SPSB4: variants seen among roughly 807,000 people sequenced by gnomAD.
The protein encoded by SPSB4 is splA/ryanodine receptor domain and SOCS box containing 4.
SPSB4 carries 21 observed loss-of-function variants against 20.9 expected under a neutral mutation model. The ratio of observed to expected loss-of-function variants is 1.01; its 90% confidence interval spans 0.71 to 1.45. The LOEUF (loss-of-function observed/expected upper bound fraction) is 1.45. Among genes scored for constraint, SPSB4 ranks in the 40% most tolerant of loss-of-function variants. The probability of loss-of-function intolerance (pLI) is 0.00; values close to 1 mark genes in which losing one functional copy is unlikely to be tolerated. For missense variants in SPSB4, 399 were observed against 399.2 expected (o/e 1.00, Z 0.00); for synonymous variants, 207 against 183.8 (o/e 1.13, Z -1.02).
At chr3:141,130,990 G>C (rs762212980) in intron 2 of SPSB4, among the ~76,000 whole-genome samples, 3 of 152,140 alleles carry the variant, frequency 2.0e-5, no homozygotes, top group Non-Finnish European at 4.4e-5. Context: ...TTGTCAATTA[G>C]GATGATGTAC....
intron 2 of SPSB4, among the ~76,000 whole-genome samples, chr3:141,072,389 G>A (rs1387903320): frequency 6.6e-6 from 1 of 152,202 alleles, no homozygotes; most frequent in Non-Finnish European, 1.5e-5. Context: ...CCAAGTTGGA[G>A]GTGGGGGTTG....
intron 2 of SPSB4, among the ~76,000 whole-genome samples, chr3:141,127,678 A>G (rs548823077): frequency 2.0e-5 from 3 of 152,172 alleles, no homozygotes; most frequent in Admixed American, 1.3e-4. Context: ...GGTGGAGAGG[A>G]GCCTCAGCCA....
chr3:141,091,686 C>A (rs1938451757), intron 2 of SPSB4, among the ~76,000 whole-genome samples: 1 of 152,216 alleles, frequency 6.6e-6, no homozygotes, highest in South Asian at 2.1e-4. Flanking sequence ...CCTGTAAATG[C>A]TGACAAATGA....
chr3:141,062,050 C>T (rs911482416), intron 1 of SPSB4, among the ~76,000 whole-genome samples: 1 of 152,154 alleles, frequency 6.6e-6, no homozygotes, highest in South Asian at 2.1e-4. Flanking sequence ...TATCCTTTTT[C>T]TGTTCCAGAT....
chr3:141,067,524 C>T (rs1234733184), intron 2 of SPSB4, among the ~76,000 whole-genome samples: 2 of 152,208 alleles, frequency 1.3e-5, no homozygotes, highest in Non-Finnish European at 1.5e-5. Context: ...AAACAAAATA[C>T]CCTTGCAGGC....
chr3:141,098,479 G>A, intron 2 of SPSB4, among the ~76,000 whole-genome samples: 1 of 151,934 alleles, frequency 6.6e-6, no homozygotes, highest in African/African-American at 2.4e-5. Context: ...TTTCTTACAA[G>A]TCTTACATAA....
chr3:141,053,280 G>A (rs1576510591), intron 1 of SPSB4, among the ~76,000 whole-genome samples: 1 of 136,688 alleles, frequency 7.3e-6, no homozygotes, highest in East Asian at 2.2e-4. Context: ...GTAAAAGCAT[G>A]ATATAAACAT....
intron 2 of SPSB4, among the ~76,000 whole-genome samples, chr3:141,084,018 C>T (rs142389934): frequency 2.0e-5 from 3 of 152,102 alleles, no homozygotes; most frequent in Admixed American, 1.3e-4. Context: ...TGCTCTTTGG[C>T]GTCATCATCT....
intron 2 of SPSB4, among the ~76,000 whole-genome samples, chr3:141,111,353 G>GAT (rs1316349967): frequency 2.1e-5 from 1 of 47,606 alleles, no homozygotes; most frequent in African/African-American, 9.5e-5. Context: ...CCTGGAACTT[G>GAT]CTTTTTTTTT....
intron 1 of SPSB4, among the ~76,000 whole-genome samples, chr3:141,056,429 C>T (rs1937640923): frequency 6.6e-6 from 1 of 152,230 alleles, no homozygotes; most frequent in South Asian, 2.1e-4. Flanking sequence ...CTCATCCTCT[C>T]TCCTTTCCTC....
At chr3:141,104,639 G>A (rs972669928) in intron 2 of SPSB4, among the ~76,000 whole-genome samples, 1 of 152,232 alleles carries the variant, frequency 6.6e-6, no homozygotes, top group Admixed American at 6.5e-5. Flanking sequence ...GGCAGGCAGT[G>A]GTGTCTGCAG....
chr3:141,122,802 C>T (rs1364358423), intron 2 of SPSB4, among the ~76,000 whole-genome samples: 1 of 152,206 alleles, frequency 6.6e-6, no homozygotes, highest in Non-Finnish European at 1.5e-5. Context: ...GTGGGAAAAG[C>T]GCAGTATTTG....
At chr3:141,108,825 C>A (rs1186456835) in intron 2 of SPSB4, among the ~76,000 whole-genome samples, 1 of 152,182 alleles carries the variant, frequency 6.6e-6, no homozygotes, top group Non-Finnish European at 1.5e-5. Flanking sequence ...TCAAGTATCC[C>A]TTTCCCTAGA....
chr3:141,117,654 C>T (rs1465959461), intron 2 of SPSB4, among the ~76,000 whole-genome samples: 1 of 152,158 alleles, frequency 6.6e-6, no homozygotes, highest in Non-Finnish European at 1.5e-5. Context: ...TCCTATAGCC[C>T]CCATCCCCCG....
intron 2 of SPSB4, among the ~76,000 whole-genome samples, chr3:141,137,206 C>T (rs138984333): frequency 6.6e-6 from 1 of 152,120 alleles, no homozygotes; most frequent in African/African-American, 2.4e-5. Context: ...CTGAGACTTT[C>T]CTGAAGTTTC....
intron 2 of SPSB4, among the ~76,000 whole-genome samples, chr3:141,091,257 G>C (rs138979238): frequency 2.6e-5 from 4 of 152,206 alleles, no homozygotes; most frequent in Non-Finnish European, 5.9e-5. Context: ...CAAGCCCTTG[G>C]GCACTGTAAT....
chr3:141,118,155 T>C (rs1264768401), intron 2 of SPSB4, among the ~76,000 whole-genome samples: 1 of 152,140 alleles, frequency 6.6e-6, no homozygotes, highest in African/African-American at 2.4e-5. Flanking sequence ...CCACATCCTC[T>C]CCAGCACCTG....
intron 2 of SPSB4, among the ~76,000 whole-genome samples, chr3:141,143,712 A>G (rs769812919): frequency 1.3e-5 from 2 of 152,234 alleles, no homozygotes; most frequent in Non-Finnish European, 2.9e-5. Context: ...TTGTTCTGTC[A>G]TGAGTTGCTG....
Position 141,112,644 on chromosome 3 carries a change from C to CAA in SPSB4, c.695-34474_695-34473dup, listed in dbSNP as rs60396514. On this transcript the variant is annotated intron_variant, in intron 2 of 2. Coordinates refer to ENST00000310546, the MANE Select transcript of SPSB4 (RefSeq NM_080862.3). ...TGGGCGACAGAGCGAGACTCCGTCT[C>CAA]AAAAAAAAAAAAAAAAAAAAAAAAA... Among the ~76,000 whole-genome samples, 196 of 32,282 alleles carry CAA rather than the reference C, an allele frequency of 6.1e-3. 6 individuals are homozygous for CAA. Among genetic ancestry groups the CAA allele is most frequent in the African/African-American group, 8.5e-3 (73 of 8,600 alleles). The allele number at this position is 32,282 out of a possible 152,430, so 21.2% of individuals were successfully genotyped here. A position where few individuals can be genotyped will look rare whatever the true frequency, so the allele number is the denominator to read the frequency against.
Sources: gnomAD v4.1 joint callset for allele counts (sites outside exome capture counted in the v4.1 genomes callset) on GRCh38, gnomAD v4.1.1 for gene constraint, MANE v1.5 for transcripts, NCBI Gene and HGNC (gene_info 2026-07-23, HGNC 2026-07-21) for gene names.